The following LURAP1L variants were observed in gnomAD, a reference collection of about 807,000 sequenced individuals.
The protein encoded by LURAP1L is leucine rich adaptor protein 1 like, also known as leucine rich adaptor protein 1-like.
A neutral mutation model predicts 13.8 loss-of-function variants in LURAP1L; 12 were observed. The ratio of observed to expected loss-of-function variants is 0.87; its 90% CI spans 0.56 to 1.41. The LOEUF (loss-of-function observed/expected upper bound fraction) is 1.41, where lower values mean the gene tolerates loss of function less well. LURAP1L is among the 40% of genes most tolerant of loss of function. The pLI, the probability that LURAP1L is intolerant of heterozygous loss-of-function variation, is 0.00. For synonymous variants in LURAP1L, 139 were observed against 119.2 expected, an observed-to-expected ratio of 1.17 and a Z score of -1.08; for missense variants, 375 against 292.9, an observed-to-expected ratio of 1.28 and a Z score of -2.04.
chr9:12,787,565 T>C (rs1446338667), intron 1 of LURAP1L, among the ~76,000 whole-genome samples: 1 of 152,176 alleles, frequency 6.6e-6, no homozygotes, highest in Non-Finnish European at 1.5e-5. Context: ...AGACAAATTC[T>C]CTACTCTCAT....
At chr9:12,799,419 A>T (rs923456161) in intron 1 of LURAP1L, among the ~76,000 whole-genome samples, 3 of 152,182 alleles carry the variant, frequency 2.0e-5, no homozygotes, top group Non-Finnish European at 4.4e-5. Flanking sequence ...TAACTTTTTT[A>T]AAATAAAAAT....
At chr9:12,777,352 G>A (rs1819201822) in intron 1 of LURAP1L, 1 of 985,372 alleles carries the variant, frequency 1.0e-6, no homozygotes, top group African/African-American at 1.7e-5. Context: ...GTATCACAAA[G>A]ATCAGACATA....
At chr9:12,804,346 A>ATTTTT (rs5896539) in intron 1 of LURAP1L, among the ~76,000 whole-genome samples, 5 of 141,448 alleles carry the variant, frequency 3.5e-5, no homozygotes, top group African/African-American at 1.3e-4. Context: ...TTGTTATCTG[A>ATTTTT]TTTTTTTTTT....
chr9:12,814,804 C>T (rs76561069), intron 1 of LURAP1L, among the ~76,000 whole-genome samples: 2 of 152,116 alleles, frequency 1.3e-5, no homozygotes, highest in Admixed American at 6.6e-5. Flanking sequence ...TTTTCTATAA[C>T]GTTCTGGGAA....
At chr9:12,806,891 TCA>T (rs1255649156) in intron 1 of LURAP1L, among the ~76,000 whole-genome samples, 1 of 151,430 alleles carries the variant, frequency 6.6e-6, no homozygotes, top group Non-Finnish European at 1.5e-5. Flanking sequence ...TTTTTGCCCC[TCA>T]GTTAGTTCTT....
At chr9:12,779,241 T>C (rs558668041) in intron 1 of LURAP1L, among the ~76,000 whole-genome samples, 2 of 151,962 alleles carry the variant, frequency 1.3e-5, no homozygotes, top group South Asian at 2.1e-4. Context: ...ATTTTATATG[T>C]ATTATCCCGT....
intron 1 of LURAP1L, among the ~76,000 whole-genome samples, chr9:12,812,685 T>C (rs1292936565): frequency 6.6e-6 from 1 of 152,164 alleles, no homozygotes; most frequent in East Asian, 1.9e-4. Flanking sequence ...GTAGAAAAGA[T>C]GTCAGGAATC....
intron 1 of LURAP1L, among the ~76,000 whole-genome samples, chr9:12,791,693 C>T (rs1418821788): frequency 1.0e-5 from 1 of 99,596 alleles, no homozygotes; most frequent in Non-Finnish European, 2.2e-5. Flanking sequence ...CTTCTTTTTA[C>T]ACACACACAC....
intron 1 of LURAP1L, among the ~76,000 whole-genome samples, chr9:12,799,733 G>C (rs1346705524): frequency 1.3e-5 from 2 of 152,042 alleles, no homozygotes; most frequent in African/African-American, 4.8e-5. Flanking sequence ...ACAAAAATTA[G>C]CCAGGTGGCA....
Position 12,822,015 on chromosome 9 carries a change from G to T in LURAP1L, c.*255G>T. 1 of 376,732 alleles carries T rather than the reference G, an allele frequency of 2.7e-6. No homozygotes were observed. The highest frequency in any genetic ancestry group is 2.1e-5 in the African/African-American group (1 of 48,466). 23.3% of individuals were successfully genotyped at this position (376,732 alleles called of 1,614,324 possible). A position where few individuals can be genotyped will look rare whatever the true frequency, so the allele number is the denominator to read the frequency against. On this transcript the variant is annotated 3_prime_UTR_variant, in exon 2 of 2. Transcript: ENST00000319264. ...CTTTTACAGTAGCACAAACAAAGTAGGGGGAAAAGAATAAGCAATAATTAT... is the reference window on the plus strand; with the variant it reads ...CTTTTACAGTAGCACAAACAAAGTATGGGGAAAAGAATAAGCAATAATTAT...
chr9:12,816,638 G>A (rs1027527913), intron 1 of LURAP1L, among the ~76,000 whole-genome samples: 1 of 152,154 alleles, frequency 6.6e-6, no homozygotes, highest in Non-Finnish European at 1.5e-5. Flanking sequence ...TTGCTGTTAA[G>A]AATATTTTCT....
At chr9:12,813,143 G>A (rs1819760743) in intron 1 of LURAP1L, among the ~76,000 whole-genome samples, 1 of 152,012 alleles carries the variant, frequency 6.6e-6, no homozygotes, top group African/African-American at 2.4e-5. Context: ...CTCCTCAATG[G>A]TACACTGAAG....
At chr9:12,812,103 T>C (rs1475668651) in intron 1 of LURAP1L, among the ~76,000 whole-genome samples, 1 of 152,192 alleles carries the variant, frequency 6.6e-6, no homozygotes, top group Non-Finnish European at 1.5e-5. Flanking sequence ...GAAGCCACAA[T>C]CTTTTTGTAA....
intron 1 of LURAP1L, among the ~76,000 whole-genome samples, chr9:12,789,769 G>C (rs1819414410): frequency 6.6e-6 from 1 of 152,112 alleles, no homozygotes; most frequent in Non-Finnish European, 1.5e-5. Flanking sequence ...GAATAAAATA[G>C]GACTCAGATA....
At position 12,821,542 on chromosome 9, in the gene LURAP1L, A is replaced by G. The variant is rs777132649; in HGVS notation, c.469A>G (p.Ser157Gly). 6.2e-7 allele frequency: 1 copy of G among 1,614,138 alleles called. No individual in the cohort carries two copies. Among genetic ancestry groups the G allele is most frequent in the Non-Finnish European group, 8.5e-7 (1 of 1,180,018 alleles). Residue 157 changes from serine (S) to glycine (G), a missense_variant, in exon 2 of 2, where the codon AGC becomes GGC. Physicochemically the swap from Ser to Gly is moderately conservative, Grantham distance 56 (BLOSUM62 0). Transcript: ENST00000319264. ...GSLCSLLESQ[S>G]TSLRGSYNSL... ...CCTGTGCAGTTTGTTGGAGAGTCAG[A>G]GCACCTCCTTACGTGGCAGCTACAA... is the stretch of plus-strand genomic sequence containing the variant.
chr9:12,799,791 G>T (rs542175958), intron 1 of LURAP1L, among the ~76,000 whole-genome samples: 4 of 150,608 alleles, frequency 2.7e-5, no homozygotes, highest in African/African-American at 9.8e-5. Flanking sequence ...GGAGAATGGC[G>T]TGAACCTGGG....
Position 12,775,991 on chromosome 9 carries a change from G to A in LURAP1L, c.276G>A (p.Arg92=). The part of the protein sequence containing the change: ...PRGSHSSALE[R]LETKLHLLRQ... The stretch of plus-strand genomic sequence containing the variant: ...GTAGCCACTCTAGCGCCCTGGAGAG[G>A]CTAGAAACCAAGCTTCACCTCCTCA... The change falls in exon 1 of 2, where the codon AGG becomes AGA. Residue 92 remains arginine, a synonymous_variant. Coordinates refer to ENST00000319264, the MANE Select transcript of LURAP1L (RefSeq NM_203403.2). 6.2e-7 allele frequency: 1 copy of A among 1,610,226 alleles called. No homozygotes were observed. Among genetic ancestry groups the A allele is most frequent in the East Asian group, 2.2e-5 (1 of 44,658 alleles).
At chr9:12,813,902 T>C (rs1341033393) in intron 1 of LURAP1L, among the ~76,000 whole-genome samples, 1 of 152,230 alleles carries the variant, frequency 6.6e-6, no homozygotes, top group Admixed American at 6.5e-5. Flanking sequence ...TGACATTTTG[T>C]TTGAACTGCG....
intron 1 of LURAP1L, among the ~76,000 whole-genome samples, chr9:12,794,570 A>G (rs925933415): frequency 3.9e-5 from 6 of 152,076 alleles, no homozygotes; most frequent in Non-Finnish European, 8.8e-5. Context: ...TTTAACAAGA[A>G]TCATTTGCCA....
Sources: gnomAD v4.1 joint callset for allele counts (sites outside exome capture counted in the v4.1 genomes callset) on GRCh38, gnomAD v4.1.1 for gene constraint, MANE v1.5 for transcripts, NCBI Gene and HGNC (gene_info 2026-07-23, HGNC 2026-07-21) for gene names.